DOCK5: variants seen among roughly 807,000 people sequenced by gnomAD.
DOCK5 encodes dedicator of cytokinesis 5, also known as dedicator of cytokinesis protein 5.
A neutral mutation model predicts 251.8 loss-of-function variants in DOCK5; 142 were observed. That is an observed-to-expected ratio of 0.56 (90% CI 0.49 to 0.65). The LOEUF (loss-of-function observed/expected upper bound fraction) is 0.65, where lower values mean the gene tolerates loss of function less well. Among genes scored for constraint, DOCK5 ranks in the 30% least tolerant of loss-of-function variants. The pLI is 0.00. For missense variants in DOCK5, 2,111 were observed against 2,312.3 expected (o/e 0.91, Z 1.79); for synonymous variants, 842 against 835.5 (o/e 1.01, Z -0.13).
At position 25,372,548 on chromosome 8, in the gene DOCK5, C is replaced by T. The variant is rs373967497; in HGVS notation, c.3525-11C>T. ...GAACCTGGGCTTTTGTCTCTCCCTC[C>T]GCCCCTCCAGGCTCCTAGAACATTG... is the stretch of plus-strand genomic sequence containing the variant. On this transcript the variant is annotated splice_polypyrimidine_tract_variant and intron_variant, in intron 34 of 51. Coordinates refer to ENST00000276440, the MANE Select transcript of DOCK5 (RefSeq NM_024940.8). 5.8e-5 allele frequency: 91 copies of T among 1,562,468 alleles called. No individual in the cohort carries two copies. In the African/African-American group the frequency reaches 8.5e-4, roughly 15 times the overall value.
chr8:25,254,391 G>A (rs537833941), intron 2 of DOCK5, among the ~76,000 whole-genome samples: 1 of 152,200 alleles, frequency 6.6e-6, no homozygotes, highest in Admixed American at 6.5e-5. Flanking sequence ...TGATAAACTG[G>A]ACTTTATTAA....
rs1477588687 is a variant in DOCK5 at position 25,323,891 on chromosome 8, G to A, written c.1659G>A (p.Lys553=). 1 of 1,613,488 alleles carries A rather than the reference G, an allele frequency of 6.2e-7. No homozygotes were observed. The highest frequency in any genetic ancestry group is 8.5e-7 in the Non-Finnish European group (1 of 1,179,762). Residue 553 remains lysine, a synonymous_variant, in exon 17 of 52, where the codon AAG becomes AAA. Transcript: ENST00000276440. ...SERAFGVAFV[K]LMNPDGTTLQ... ...GAGCATTTGGGGTGGCCTTCGTGAAGCTGATGAACCCGGATGGCACCACTC... is the reference window on the plus strand; with the variant it reads ...GAGCATTTGGGGTGGCCTTCGTGAAACTGATGAACCCGGATGGCACCACTC...
At chr8:25,345,913 G>T (rs535857674) in intron 26 of DOCK5, among the ~76,000 whole-genome samples, 1 of 151,908 alleles carries the variant, frequency 6.6e-6, no homozygotes, top group African/African-American at 2.4e-5. Flanking sequence ...GCAGTGGCGC[G>T]ATCTCGGCTC....
intron 7 of DOCK5, among the ~76,000 whole-genome samples, chr8:25,297,321 G>C (rs759857941): frequency 2.7e-5 from 4 of 148,868 alleles, no homozygotes; most frequent in Non-Finnish European, 4.5e-5. Context: ...GGAGTGGCCA[G>C]ATCTCAGCTC....
At chr8:25,292,499 A>G (rs184351330) in intron 6 of DOCK5, among the ~76,000 whole-genome samples, 1 of 152,278 alleles carries the variant, frequency 6.6e-6, no homozygotes, top group Admixed American at 6.5e-5. Context: ...TTGTAATCCC[A>G]GTACTTTGTG....
chr8:25,337,250 A>G (rs913456183), intron 22 of DOCK5, among the ~76,000 whole-genome samples: 2 of 152,168 alleles, frequency 1.3e-5, no homozygotes, highest in African/African-American at 4.8e-5. Context: ...ACATGCATGC[A>G]CACACACACC....
chr8:25,415,078 C>A lies in DOCK5; in HGVS notation c.*3780C>A, dbSNP rs1467605024. On this transcript the variant is annotated 3_prime_UTR_variant, in exon 52 of 52. Coordinates refer to ENST00000276440, the MANE Select transcript of DOCK5 (RefSeq NM_024940.8). ...GACTATACTTGTCCCATTTATCATC[C>A]CAGGTGGTGCTTTGACCCTGCCATA... The A allele has an allele frequency of 2.6e-5, 4 of 151,860 alleles. No individual in the cohort carries two copies. In the East Asian group the frequency reaches 5.8e-4, roughly 22 times the overall value. 9.4% of individuals were successfully genotyped at this position (151,860 alleles called of 1,614,324 possible). A position where few individuals can be genotyped will look rare whatever the true frequency, so the allele number is the denominator to read the frequency against.
At position 25,321,026 on chromosome 8, in the gene DOCK5, C is replaced by G. The variant is rs753786206; in HGVS notation, c.1589C>G (p.Thr530Ser). The change falls in exon 16 of 52, where the codon ACC (threonine) becomes AGC (serine). Residue 530 changes from threonine (T) to serine (S), a missense_variant. Thr to Ser is a moderately conservative substitution (Grantham distance 58, BLOSUM62 1). This residue lies in a region of DOCK5 where 1,717 missense variants were observed against 1,892.4 expected (regional missense o/e 0.91). Coordinates refer to ENST00000276440, the MANE Select transcript of DOCK5 (RefSeq NM_024940.8). ...EEVTRCHIRF[T>S]FRHRSSQETR... ...GTCACACGCTGTCATATAAGATTTACCTTCCGACACAGGTCATCTCAGGAA... is the reference window on the plus strand; with the variant it reads ...GTCACACGCTGTCATATAAGATTTAGCTTCCGACACAGGTCATCTCAGGAA... 13 of 1,613,434 alleles carry G rather than the reference C, an allele frequency of 8.1e-6. No homozygotes were observed. The East Asian group carries it at 2.2e-4, about 28-fold the overall frequency.
chr8:25,268,830 CT>C lies in DOCK5; in HGVS notation c.128-11del. On this transcript the variant is annotated splice_polypyrimidine_tract_variant and intron_variant, in intron 2 of 51. Coordinates refer to ENST00000276440, the MANE Select transcript of DOCK5 (RefSeq NM_024940.8). ...GAAAACATAAAATATTTTGTGTTCT[CT>C]TTTGCTCTGACAGGTTGGTACAGAG... The C allele has an allele frequency of 1.3e-6, 2 of 1,570,518 alleles. No homozygotes were observed. The highest frequency in any genetic ancestry group is 1.7e-6 in the Non-Finnish European group (2 of 1,158,310).
chr8:25,314,439 A>G (rs1168189970), intron 13 of DOCK5, among the ~76,000 whole-genome samples: 1 of 151,942 alleles, frequency 6.6e-6, no homozygotes, highest in East Asian at 1.9e-4. Flanking sequence ...TTAATTGGCT[A>G]ATTCTTACTC....
At chr8:25,409,963 T>A in intron 50 of DOCK5, 136 bp from the exon 51 acceptor site, 1 of 689,794 alleles carries the variant, frequency 1.4e-6, no homozygotes, top group East Asian at 2.8e-5. Flanking sequence ...CTTCGTTCTA[T>A]CCGCAGAAAC....
intron 2 of DOCK5, among the ~76,000 whole-genome samples, chr8:25,246,286 T>A (rs1803105379): frequency 6.6e-6 from 1 of 152,114 alleles, no homozygotes; most frequent in African/African-American, 2.4e-5. Context: ...GTTTTTTGTA[T>A]TTTTTGGAGA....
intron 36 of DOCK5, among the ~76,000 whole-genome samples, chr8:25,373,967 A>G (rs1800919324): frequency 6.6e-6 from 1 of 152,216 alleles, no homozygotes; most frequent in Non-Finnish European, 1.5e-5. Context: ...CTTAGCTTGA[A>G]GTCTGCGAAT....
chr8:25,247,756 A>G (rs1803154873), intron 2 of DOCK5, among the ~76,000 whole-genome samples: 2 of 152,206 alleles, frequency 1.3e-5, no homozygotes, highest in Admixed American at 1.3e-4. Flanking sequence ...ATTCATTTCA[A>G]ATACCATGCA....
intron 13 of DOCK5, among the ~76,000 whole-genome samples, chr8:25,313,045 A>G (rs1805144166): frequency 6.6e-6 from 1 of 152,154 alleles, no homozygotes; most frequent in South Asian, 2.1e-4. Context: ...ATTTCTAGAG[A>G]CCGATTCAGA....
intron 1 of DOCK5, among the ~76,000 whole-genome samples, chr8:25,189,079 C>T (rs1315681490): frequency 4.9e-5 from 7 of 141,770 alleles, no homozygotes; most frequent in African/African-American, 1.9e-4. Context: ...GACAGGGCCT[C>T]ACTCCACAGC....
At position 25,206,862 on chromosome 8, in the gene DOCK5, T is replaced by A. The variant is rs755235413; in HGVS notation, c.43+21911T>A. On this transcript the variant is annotated intron_variant, in intron 1 of 51. Coordinates refer to ENST00000276440, the MANE Select transcript of DOCK5 (RefSeq NM_024940.8). Reference sequence around the variant, plus strand: ...TTTGGGAGTTGAGTTGGTGGCAACCTGAAGCCATGTGGAAGCCAATGTTGT... The same window carrying A: ...TTTGGGAGTTGAGTTGGTGGCAACCAGAAGCCATGTGGAAGCCAATGTTGT... Among the ~76,000 whole-genome samples the A allele has an allele frequency of 2.0e-5, 3 of 152,250 alleles. No homozygotes were observed. In the South Asian group the frequency reaches 6.2e-4, roughly 31 times the overall value.
chr8:25,393,545 C>G (rs1250347948), intron 44 of DOCK5, among the ~76,000 whole-genome samples: 5 of 152,226 alleles, frequency 3.3e-5, no homozygotes, highest in African/African-American at 1.2e-4. Context: ...CCTAGGCAAT[C>G]TGTTGGAACC....
At chr8:25,185,183 C>T (rs921569472) in intron 1 of DOCK5, among the ~76,000 whole-genome samples, 1 of 152,086 alleles carries the variant, frequency 6.6e-6, no homozygotes. Flanking sequence ...GCTTCGGGAC[C>T]GTAATCCCGC....
Sources: allele counts gnomAD v4.1 joint callset (sites outside exome capture counted in the v4.1 genomes callset), GRCh38; gene constraint gnomAD v4.1.1; regional missense constraint gnomAD v4.1.1; transcripts MANE v1.5; gene names NCBI Gene and HGNC (gene_info 2026-07-23, HGNC 2026-07-21).